Variants in TSPAN11 observed in about 807,000 individuals in gnomAD.
TSPAN11 encodes tetraspanin-11.
TSPAN11 carries 29 observed loss-of-function variants against 32.9 expected under a neutral mutation model. The ratio of observed to expected loss-of-function variants is 0.88; its 90% CI spans 0.66 to 1.20. The LOEUF (loss-of-function observed/expected upper bound fraction) is 1.20, where lower values mean the gene tolerates loss of function less well. Among genes scored for constraint, TSPAN11 ranks in the 50% most tolerant of loss-of-function variants. The probability of loss-of-function intolerance (pLI) is 0.00; values close to 1 mark genes in which losing one functional copy is unlikely to be tolerated. For missense variants in TSPAN11, 283 were observed against 329.1 expected, an observed-to-expected ratio of 0.86 and a Z score of 1.08; for synonymous variants, 140 against 141.3, an observed-to-expected ratio of 0.99 and a Z score of 0.07.
intron 3 of TSPAN11, among the ~76,000 whole-genome samples, chr12:30,976,402 G>C (rs1437459873): frequency 2.0e-5 from 3 of 152,164 alleles, no homozygotes; most frequent in Non-Finnish European, 4.4e-5. Context: ...CAGCCATCCA[G>C]CTAGAGCCAG....
chr12:31,004,541 C>T, the TSPAN11 span, among the ~76,000 whole-genome samples: 1 of 152,202 alleles, frequency 6.6e-6, no homozygotes, highest in African/African-American at 2.4e-5. Flanking sequence ...AGGGGCGCCA[C>T]TTCCACTTGC....
chr12:31,005,798 A>C, the TSPAN11 span: 31 of 194,294 alleles, frequency 1.6e-4, 1 homozygote, highest in East Asian at 1.8e-3. Flanking sequence ...ACTTCTTACC[A>C]GTCCAGTGGA....
chr12:30,972,590 A>AC (rs367649798), intron 3 of TSPAN11, among the ~76,000 whole-genome samples: 6 of 152,162 alleles, frequency 3.9e-5, no homozygotes, highest in African/African-American at 1.4e-4. Flanking sequence ...GTGTGCACAC[A>AC]CAGGAGTGTT....
intron 3 of TSPAN11, among the ~76,000 whole-genome samples, chr12:30,968,897 G>A (rs865975469): frequency 1.3e-5 from 2 of 152,162 alleles, no homozygotes; most frequent in African/African-American, 2.4e-5. Flanking sequence ...GCTGGTTTTC[G>A]AGTACCTTGC....
At chr12:30,952,023 A>G (rs1162575115) in intron 1 of TSPAN11, among the ~76,000 whole-genome samples, 1 of 152,160 alleles carries the variant, frequency 6.6e-6, no homozygotes, top group African/African-American at 2.4e-5. Context: ...AATGACTGAA[A>G]TTTTACCATT....
chr12:31,008,312 T>TC, the TSPAN11 span, among the ~76,000 whole-genome samples: 1 of 152,270 alleles, frequency 6.6e-6, no homozygotes, highest in East Asian at 1.9e-4. Flanking sequence ...GTCCACAGTT[T>TC]CCCCAGAGAA....
chr12:30,946,304 T>TG (rs1938265990), intron 1 of TSPAN11, among the ~76,000 whole-genome samples: 1 of 152,174 alleles, frequency 6.6e-6, no homozygotes, highest in African/African-American at 2.4e-5. Context: ...TCAGAAACTT[T>TG]GGGGGTAGAC....
intron 7 of TSPAN11, chr12:30,986,749 G>C (rs1939207438): frequency 6.6e-6 from 1 of 152,232 alleles, no homozygotes; most frequent in Non-Finnish European, 1.5e-5. Context: ...TTTCAGCCAG[G>C]TATTTGGCAA....
chr12:30,960,375 A>T (rs1315050877), intron 2 of TSPAN11, among the ~76,000 whole-genome samples: 1 of 151,304 alleles, frequency 6.6e-6, no homozygotes, highest in Non-Finnish European at 1.5e-5. Flanking sequence ...AGGGTGGAGA[A>T]CTCCCCTCCG....
chr12:30,963,028 A>G (rs1938644846), intron 2 of TSPAN11, among the ~76,000 whole-genome samples: 1 of 152,214 alleles, frequency 6.6e-6, no homozygotes, highest in Non-Finnish European at 1.5e-5. Context: ...CAAGTACTCC[A>G]GTTTCTAAGG....
At chr12:31,001,073 T>C (rs533944403), downstream of TSPAN11, among the ~76,000 whole-genome samples, 2 of 152,296 alleles carry the variant, frequency 1.3e-5, no homozygotes, top group South Asian at 2.1e-4. Context: ...CTCTGACCAC[T>C]CTTCACACTG....
At chr12:30,964,119 GAGGCTGTGGGAGTGC>G in intron 3 of TSPAN11, 102 bp downstream of exon 3, 1 of 932,254 alleles carries the variant, frequency 1.1e-6, no homozygotes, top group Non-Finnish European at 1.5e-6. Context: ...GGGAGGGGCT[GAGGCTGTGGGAGTGC>G]CCGAGAAGGG....
chr12:30,941,003 C>A (rs1032613136), intron 1 of TSPAN11, among the ~76,000 whole-genome samples: 3 of 152,198 alleles, frequency 2.0e-5, no homozygotes, highest in Non-Finnish European at 4.4e-5. Flanking sequence ...CCATCCTCCC[C>A]CTACCTCCAC....
chr12:30,931,893 A>AAAAAAAAAG lies in TSPAN11; in HGVS notation c.-12+5103_-12+5104insAAGAAAAAA, dbSNP rs1937940332. Among the ~76,000 whole-genome samples, 3 of 150,744 alleles carry AAAAAAAAAG rather than the reference A, an allele frequency of 2.0e-5. 1 individual carries two copies. Among genetic ancestry groups the AAAAAAAAAG allele is most frequent in the African/African-American group, 7.3e-5 (3 of 41,060 alleles). ...AGACGCTGTATCAAAAAAAAAAAAA[A>AAAAAAAAAG]AAAAAAGAGTCCTCATCCTATCCTA... On this transcript the variant is annotated intron_variant, in intron 1 of 7. Coordinates refer to ENST00000546076, the MANE Select transcript of TSPAN11 (RefSeq NM_001370302.1).
At chr12:31,009,410 A>G in the TSPAN11 span, among the ~76,000 whole-genome samples, 1 of 152,122 alleles carries the variant, frequency 6.6e-6, no homozygotes, top group Non-Finnish European at 1.5e-5. Flanking sequence ...TCTGGCTACA[A>G]ATGGCTGCAT....
the TSPAN11 span, among the ~76,000 whole-genome samples, chr12:31,013,590 A>AAAAACGAAACAAAAC: frequency 6.8e-6 from 1 of 147,340 alleles, no homozygotes; most frequent in South Asian, 2.3e-4. Context: ...TCCTGTCTCA[A>AAAAACGAAACAAAAC]AAAACAAAAC....
rs541564332 is a variant in TSPAN11, at chr12:30,958,976, T to C, written c.85-4850T>C. On this transcript the variant is annotated intron_variant, in intron 2 of 7. Coordinates refer to ENST00000546076, the MANE Select transcript of TSPAN11 (RefSeq NM_001370302.1). ...TTAATGACCCAGAGAAAAAGCCTAT[T>C]CCTCTCTGGGACTACTGGGACTTTG... Among the ~76,000 whole-genome samples the C allele has an allele frequency of 2.0e-5, 3 of 152,162 alleles. No homozygotes were observed. In the South Asian group the frequency reaches 6.2e-4, roughly 32 times the overall value.
At chr12:30,928,629 G>A (rs1028935853) in intron 1 of TSPAN11, among the ~76,000 whole-genome samples, 2 of 152,220 alleles carry the variant, frequency 1.3e-5, no homozygotes, top group South Asian at 2.1e-4. Context: ...GGGAGATGCC[G>A]GCAACCCAGG....
chr12:30,987,530 C>T (rs995181786), intron 7 of TSPAN11, among the ~76,000 whole-genome samples: 1 of 152,056 alleles, frequency 6.6e-6, no homozygotes, highest in African/African-American at 2.4e-5. Flanking sequence ...ACGCTTGAAC[C>T]CAGGAGGCGG....
Sources: gnomAD v4.1 joint callset for allele counts (sites outside exome capture counted in the v4.1 genomes callset) on GRCh38, gnomAD v4.1.1 for gene constraint, MANE v1.5 for transcripts, NCBI Gene and HGNC (gene_info 2026-07-23, HGNC 2026-07-21) for gene names.